RANBP17: variants seen among roughly 807,000 people sequenced by gnomAD.
RANBP17 encodes the protein RAN binding protein 17.
A neutral mutation model predicts 141.2 loss-of-function variants in RANBP17; 158 were observed. That is an observed-to-expected ratio of 1.12 (90% confidence interval 0.98 to 1.28). The LOEUF is 1.28. Among genes scored for constraint, RANBP17 ranks in the 50% most tolerant of loss-of-function variants. RANBP17 has a pLI of 0.00. For missense variants in RANBP17, 1,438 were observed against 1,290.7 expected (o/e 1.11, Z -1.75); for synonymous variants, 430 against 450.0 (o/e 0.96, Z 0.56).
intron 12 of RANBP17, among the ~76,000 whole-genome samples, chr5:170,940,596 A>G (rs1774246941): frequency 6.6e-6 from 1 of 152,228 alleles, no homozygotes; most frequent in African/African-American, 2.4e-5. Context: ...ATCAAAACAT[A>G]TCAAGCAAAA....
chr5:171,128,038 G>A (rs1455797429), intron 14 of RANBP17, among the ~76,000 whole-genome samples: 1 of 152,048 alleles, frequency 6.6e-6, no homozygotes, highest in African/African-American at 2.4e-5. Context: ...GGCACCTGTA[G>A]TCCCAGCTAC....
In RANBP17 at chr5:170,875,656, G is replaced by A. The variant is rs138642016; in HGVS notation, c.19-2441G>A. On this transcript the variant is annotated intron_variant, in intron 1 of 27. Coordinates refer to ENST00000523189, the MANE Select transcript of RANBP17 (RefSeq NM_022897.5). The stretch of plus-strand genomic sequence containing the variant: ...TCGTGCTGTGTTTTTCAGCTCCATC[G>A]GGTTATTTATGTTCCTCTCTCAACT... Among the ~76,000 whole-genome samples the A allele has an allele frequency of 4.8e-3, 724 of 151,290 alleles. 3 individuals carry two copies. The highest frequency in any genetic ancestry group is 8.7e-3 in the South Asian group (41 of 4,698).
intron 1 of RANBP17, among the ~76,000 whole-genome samples, chr5:170,871,289 C>T (rs1055724804): frequency 5.1e-5 from 7 of 136,148 alleles, no homozygotes; most frequent in African/African-American, 1.3e-4. Flanking sequence ...CCTCATGATC[C>T]GCCTGCCTCT....
At chr5:170,868,271 C>T (rs1271507056) in intron 1 of RANBP17, among the ~76,000 whole-genome samples, 2 of 152,016 alleles carry the variant, frequency 1.3e-5, no homozygotes, top group African/African-American at 4.8e-5. Flanking sequence ...GTTTTTTAGA[C>T]AGGGTCTTGC....
At chr5:171,169,636 A>G (rs1759956344) in intron 14 of RANBP17, among the ~76,000 whole-genome samples, 1 of 152,138 alleles carries the variant, frequency 6.6e-6, no homozygotes, top group Non-Finnish European at 1.5e-5. Flanking sequence ...GTAATATTTG[A>G]GGAGAATTTC....
chr5:170,923,271 C>T (rs559197853), intron 11 of RANBP17, among the ~76,000 whole-genome samples: 60 of 152,290 alleles, frequency 3.9e-4, no homozygotes, highest in African/African-American at 1.3e-3. Flanking sequence ...TATCCTTTCT[C>T]CATTGAATTG....
chr5:171,248,247 G>T (rs951677545), intron 24 of RANBP17, among the ~76,000 whole-genome samples: 4 of 151,862 alleles, frequency 2.6e-5, no homozygotes, highest in Non-Finnish European at 5.9e-5. Context: ...GGCGCCTGTA[G>T]TCTCAGCTAC....
At chr5:170,964,271 A>G (rs1000215418) in intron 13 of RANBP17, among the ~76,000 whole-genome samples, 12 of 152,216 alleles carry the variant, frequency 7.9e-5, no homozygotes, top group African/African-American at 2.9e-4. Context: ...GACATATGCA[A>G]GATTGTTAAT....
At chr5:170,976,382 A>G (rs1777382372) in intron 14 of RANBP17, among the ~76,000 whole-genome samples, 1 of 152,182 alleles carries the variant, frequency 6.6e-6, no homozygotes, top group African/African-American at 2.4e-5. Flanking sequence ...GGATTACAAG[A>G]CTTAATATTG....
chr5:170,920,329 A>G (rs1377482351), intron 11 of RANBP17, among the ~76,000 whole-genome samples: 1 of 152,150 alleles, frequency 6.6e-6, no homozygotes, highest in Non-Finnish European at 1.5e-5. Flanking sequence ...AGCACTTGAT[A>G]TTGTTAGTTT....
chr5:170,964,611 T>C (rs1205309512), intron 13 of RANBP17, among the ~76,000 whole-genome samples: 2 of 152,144 alleles, frequency 1.3e-5, no homozygotes, highest in Non-Finnish European at 2.9e-5. Context: ...TGTGTTCCCA[T>C]TGTTCAATTC....
Position 171,253,021 on chromosome 5 carries a change from C to A in RANBP17, c.2776+10201C>A. ...CGTGATGAAGAGATACTTTCTGCCG[C>A]ATTTCTTCTCTGGTTATTTTGGAAA... On this transcript the variant is annotated intron_variant, in intron 24 of 27. Transcript: ENST00000523189. 5 of 1,091,858 alleles carry A rather than the reference C, an allele frequency of 4.6e-6. No individual in the cohort carries two copies. In the South Asian group the frequency reaches 5.0e-5, roughly 11 times the overall value. 67.6% of individuals were successfully genotyped at this position (1,091,858 alleles called of 1,614,324 possible). A position where few individuals can be genotyped will look rare whatever the true frequency, so the allele number is the denominator to read the frequency against.
intron 14 of RANBP17, among the ~76,000 whole-genome samples, chr5:171,045,922 A>G (rs1782552343): frequency 6.6e-6 from 1 of 152,118 alleles, no homozygotes; most frequent in Non-Finnish European, 1.5e-5. Context: ...CCCATTCACT[A>G]CTGTTTTGCC....
intron 21 of RANBP17, among the ~76,000 whole-genome samples, chr5:171,215,644 C>G (rs564881517): frequency 1.7e-4 from 26 of 152,272 alleles, no homozygotes; most frequent in African/African-American, 5.8e-4. Context: ...TTGCATTTCT[C>G]TAATGACTAG....
chr5:171,272,980 T>A (rs1767220048), intron 25 of RANBP17, among the ~76,000 whole-genome samples: 1 of 152,192 alleles, frequency 6.6e-6, no homozygotes, highest in African/African-American at 2.4e-5. Flanking sequence ...TATAATTTAG[T>A]AGGACACGTA....
At chr5:170,865,242 T>G (rs1767145154) in intron 1 of RANBP17, among the ~76,000 whole-genome samples, 1 of 152,108 alleles carries the variant, frequency 6.6e-6, no homozygotes, top group African/African-American at 2.4e-5. Flanking sequence ...TTTGTATTTT[T>G]AGTAGAGACA....
chr5:170,975,508 A>G (rs1349425101), intron 14 of RANBP17, among the ~76,000 whole-genome samples: 4 of 152,256 alleles, frequency 2.6e-5, no homozygotes, highest in Non-Finnish European at 5.9e-5. Flanking sequence ...CCTGGGTGAC[A>G]GAGTGAGACT....
At chr5:171,224,669 G>T (rs913512427) in intron 22 of RANBP17, among the ~76,000 whole-genome samples, 5 of 152,206 alleles carry the variant, frequency 3.3e-5, no homozygotes, top group Non-Finnish European at 7.3e-5. Flanking sequence ...GAAGGGATAG[G>T]AGAAGTGAAG....
At chr5:171,004,581 G>A (rs1473538623) in intron 14 of RANBP17, among the ~76,000 whole-genome samples, 1 of 152,200 alleles carries the variant, frequency 6.6e-6, no homozygotes, top group Non-Finnish European at 1.5e-5. Context: ...ACTCTTCTCT[G>A]TAAGAGTTAC....
Sources: allele counts gnomAD v4.1 joint callset (sites outside exome capture counted in the v4.1 genomes callset), GRCh38; gene constraint gnomAD v4.1.1; transcripts MANE v1.5; gene names NCBI Gene and HGNC (gene_info 2026-07-23, HGNC 2026-07-21).